The following PAPPA2 variants were observed in gnomAD, a reference collection of about 807,000 sequenced individuals.
PAPPA2 encodes pappalysin-2.
A neutral mutation model predicts 176.4 loss-of-function variants in PAPPA2; 86 were observed. That is an observed-to-expected ratio of 0.49 (90% CI 0.41 to 0.58). The LOEUF (loss-of-function observed/expected upper bound fraction) is 0.58. PAPPA2 is among the 20% of genes least tolerant of loss of function. PAPPA2 has a pLI of 0.00. For synonymous variants in PAPPA2, 809 were observed against 852.2 expected, an observed-to-expected ratio of 0.95 and a Z score of 0.88; for missense variants, 2,073 against 2,256.9, an observed-to-expected ratio of 0.92 and a Z score of 1.65.
At chr1:176,605,769 G>A (rs1654576334) in intron 3 of PAPPA2, among the ~76,000 whole-genome samples, 1 of 152,186 alleles carries the variant, frequency 6.6e-6, no homozygotes, top group African/African-American at 2.4e-5. Context: ...CAGGATAGCT[G>A]GAGGGCTCCT....
At chr1:176,524,569 T>A (rs1649379590) in intron 1 of PAPPA2, among the ~76,000 whole-genome samples, 2 of 152,224 alleles carry the variant, frequency 1.3e-5, no homozygotes, top group Admixed American at 1.3e-4. Context: ...TGGGAAAGAC[T>A]TCCTGAAGGA....
At chr1:176,768,655 C>T (rs950816133) in intron 15 of PAPPA2, among the ~76,000 whole-genome samples, 1 of 151,994 alleles carries the variant, frequency 6.6e-6, no homozygotes. Flanking sequence ...CTTGCCTGGT[C>T]GATTTTTAGT....
At chr1:176,756,145 G>A (rs1467168251) in intron 14 of PAPPA2, among the ~76,000 whole-genome samples, 1 of 152,112 alleles carries the variant, frequency 6.6e-6, no homozygotes. Flanking sequence ...TTAGTACATG[G>A]GGTTTCACCA....
intron 17 of PAPPA2, among the ~76,000 whole-genome samples, chr1:176,774,330 A>G (rs1415639153): frequency 6.6e-6 from 1 of 152,154 alleles, no homozygotes; most frequent in Non-Finnish European, 1.5e-5. Flanking sequence ...TAAGGCCCAT[A>G]AGACCAACTG....
rs375011994 is a variant in PAPPA2, at chr1:176,556,411, G to C, written c.89G>C (p.Arg30Pro). Reference protein sequence around the residue: ...CSANSELGWTRKKSLVEREHL... With the variant: ...CSANSELGWTPKKSLVEREHL... ...GCCAACTCTGAGCTGGGCTGGACACGCAAGAAATCCTTGGTTGAGAGGGAA... is the reference window on the plus strand; with the variant it reads ...GCCAACTCTGAGCTGGGCTGGACACCCAAGAAATCCTTGGTTGAGAGGGAA... Residue 30 changes from arginine to proline, a missense_variant, in exon 2 of 23, where the codon CGC (arginine) becomes CCC (proline). Physicochemically the swap from Arg to Pro is moderately radical, Grantham distance 103 (BLOSUM62 -2). Transcript: ENST00000367662. The C allele has an allele frequency of 1.2e-6, 2 of 1,614,072 alleles. No individual in the cohort carries two copies. The highest frequency in any genetic ancestry group is 2.7e-5 in the African/African-American group (2 of 74,918).
At chr1:176,678,429 A>C (rs1389154446) in intron 4 of PAPPA2, among the ~76,000 whole-genome samples, 1 of 150,460 alleles carries the variant, frequency 6.6e-6, no homozygotes, top group Non-Finnish European at 1.5e-5. Flanking sequence ...ATGGTCATTT[A>C]CTTTTTTTTT....
intron 2 of PAPPA2, among the ~76,000 whole-genome samples, chr1:176,591,426 T>G (rs1413983986): frequency 6.6e-6 from 1 of 152,206 alleles, no homozygotes; most frequent in Non-Finnish European, 1.5e-5. Context: ...AGGGAGAATT[T>G]CTGCTATGTT....
chr1:176,728,053 CAAAAT>C (rs1452270691), intron 12 of PAPPA2, among the ~76,000 whole-genome samples: 1 of 151,490 alleles, frequency 6.6e-6, no homozygotes, highest in African/African-American at 2.4e-5. Flanking sequence ...AGGAAAGAAT[CAAAAT>C]AAGATCAACA....
chr1:176,689,053 G>A (rs1353515112), intron 4 of PAPPA2, among the ~76,000 whole-genome samples: 1 of 152,122 alleles, frequency 6.6e-6, no homozygotes, highest in Non-Finnish European at 1.5e-5. Context: ...AGAAGGGCAG[G>A]GCCAGCTGGG....
intron 2 of PAPPA2, among the ~76,000 whole-genome samples, chr1:176,576,503 G>A (rs560397083): frequency 6.6e-6 from 1 of 151,986 alleles, no homozygotes; most frequent in Admixed American, 6.6e-5. Context: ...GTGTGTTTGT[G>A]TGTGTCTGTC....
At chr1:176,652,900 C>T (rs1657815286) in intron 3 of PAPPA2, among the ~76,000 whole-genome samples, 1 of 151,696 alleles carries the variant, frequency 6.6e-6, no homozygotes, top group Admixed American at 6.6e-5. Flanking sequence ...TTCTCTGCGA[C>T]CCTGAGAATT....
intron 2 of PAPPA2, among the ~76,000 whole-genome samples, chr1:176,578,612 G>A (rs1652786286): frequency 6.6e-6 from 1 of 152,112 alleles, no homozygotes; most frequent in African/African-American, 2.4e-5. Flanking sequence ...AGTTCAACAA[G>A]GCTCAGCAAC....
At chr1:176,567,072 C>A (rs752721741) in intron 2 of PAPPA2, among the ~76,000 whole-genome samples, 1 of 152,156 alleles carries the variant, frequency 6.6e-6, no homozygotes, top group Non-Finnish European at 1.5e-5. Flanking sequence ...GGCCCTAGAA[C>A]CTTCCAGAAA....
chr1:176,818,693 A>G lies in PAPPA2; in HGVS notation c.5202+18561A>G, dbSNP rs867208535. Among the ~76,000 whole-genome samples, 13 of 152,278 alleles carry G rather than the reference A, an allele frequency of 8.5e-5. No homozygotes were observed. In the South Asian group the frequency reaches 2.7e-3, roughly 32 times the overall value. On this transcript the variant is annotated intron_variant, in intron 21 of 22. Coordinates refer to ENST00000367662, the MANE Select transcript of PAPPA2 (RefSeq NM_020318.3). The stretch of plus-strand genomic sequence containing the variant: ...GTCTCACTACTTCCCCTGCCTCTTC[A>G]CAGCCTAATCCCAGCATAGCAGCCA...
intron 21 of PAPPA2, among the ~76,000 whole-genome samples, chr1:176,809,739 T>A (rs1368183042): frequency 1.3e-5 from 2 of 151,962 alleles, no homozygotes; most frequent in African/African-American, 4.8e-5. Context: ...CAAGTCGTAA[T>A]TGAGGGGATG....
chr1:176,486,248 C>G (rs971923897), intron 1 of PAPPA2, among the ~76,000 whole-genome samples: 2 of 152,166 alleles, frequency 1.3e-5, no homozygotes, highest in African/African-American at 2.4e-5. Context: ...GCCAAAGTAG[C>G]ATGTTTTGGA....
intron 2 of PAPPA2, among the ~76,000 whole-genome samples, chr1:176,582,702 A>G (rs1653062142): frequency 6.6e-6 from 1 of 152,054 alleles, no homozygotes; most frequent in Non-Finnish European, 1.5e-5. Flanking sequence ...TTTATTGGAT[A>G]TTGGTAGGTA....
Position 176,844,877 on chromosome 1 carries a change from A to G in PAPPA2, c.*2423A>G, listed in dbSNP as rs1460567885. 3 of 152,140 alleles carry G rather than the reference A, an allele frequency of 2.0e-5. No individual in the cohort carries two copies. The highest frequency in any genetic ancestry group is 7.2e-5 in the African/African-American group (3 of 41,434). 9.4% of individuals were successfully genotyped at this position (152,140 alleles called of 1,614,324 possible). A position where few individuals can be genotyped will look rare whatever the true frequency, so the allele number is the denominator to read the frequency against. On this transcript the variant is annotated 3_prime_UTR_variant, in exon 23 of 23. Coordinates refer to ENST00000367662, the MANE Select transcript of PAPPA2 (RefSeq NM_020318.3). ...GTCTCTCCACAAGAGCAACAGTAAG[A>G]ACATTTCTGTTTTAAATTTCATTTT...
chr1:176,756,526 A>G (rs974934232), intron 14 of PAPPA2, among the ~76,000 whole-genome samples: 4 of 152,182 alleles, frequency 2.6e-5, no homozygotes, highest in Non-Finnish European at 5.9e-5. Flanking sequence ...CATTAACTGT[A>G]TATTAGTCTG....
Sources: allele counts gnomAD v4.1 joint callset (sites outside exome capture counted in the v4.1 genomes callset), GRCh38; gene constraint gnomAD v4.1.1; transcripts MANE v1.5; gene names NCBI Gene and HGNC (gene_info 2026-07-23, HGNC 2026-07-21).